The following MTMR9 variants were observed in gnomAD, a reference collection of about 807,000 sequenced individuals.
MTMR9 encodes the protein myotubularin related protein 9.
MTMR9 carries 39 observed loss-of-function variants against 69.5 expected under a neutral mutation model. The observed-to-expected ratio is 0.56, with a 90% CI of 0.43 to 0.73. MTMR9 has a LOEUF of 0.73. Among genes scored for constraint, MTMR9 ranks in the 30% least tolerant of loss-of-function variants. The pLI, the probability that MTMR9 is intolerant of heterozygous loss-of-function variation, is 0.00. For missense variants in MTMR9, 900 were observed against 671.2 expected, an observed-to-expected ratio of 1.34 and a Z score of -3.77; for synonymous variants, 354 against 240.8, an observed-to-expected ratio of 1.47 and a Z score of -4.35.
chr8:11,314,469 A>G (rs1232938952), intron 6 of MTMR9, among the ~76,000 whole-genome samples: 1 of 152,168 alleles, frequency 6.6e-6, no homozygotes, highest in African/African-American at 2.4e-5. Flanking sequence ...GTGTCCTTAT[A>G]GTCAGCTGAT....
chr8:11,298,980 C>T (rs1453486817), intron 2 of MTMR9: 1 of 619,952 alleles, frequency 1.6e-6, no homozygotes, highest in Non-Finnish European at 2.0e-6. Context: ...ATATACCAGT[C>T]TAGGAAGAGA....
chr8:11,288,592 C>A (rs1799275232), intron 1 of MTMR9, among the ~76,000 whole-genome samples: 1 of 151,972 alleles, frequency 6.6e-6, no homozygotes, highest in Non-Finnish European at 1.5e-5. Flanking sequence ...ACATGCTTGG[C>A]ATGTGCAGAG....
chr8:11,290,109 C>G (rs753560048), intron 1 of MTMR9, among the ~76,000 whole-genome samples: 2 of 152,218 alleles, frequency 1.3e-5, no homozygotes, highest in Non-Finnish European at 2.9e-5. Flanking sequence ...TCTCCACTTT[C>G]TTACCAACAT....
chr8:11,331,425 T>C (rs374917829), downstream of MTMR9: 134 of 1,613,868 alleles, frequency 8.3e-5, no homozygotes, highest in Middle Eastern at 1.6e-4. Context: ...GGCCTGCTTC[T>C]GTGCCCTGCT....
At chr8:11,287,270 C>T (rs997951683) in intron 1 of MTMR9, among the ~76,000 whole-genome samples, 4 of 152,132 alleles carry the variant, frequency 2.6e-5, no homozygotes, top group African/African-American at 9.7e-5. Context: ...TTCTCCATGA[C>T]CATCAACTAC....
intron 5 of MTMR9, among the ~76,000 whole-genome samples, chr8:11,308,557 A>G (rs980377098): frequency 2.0e-5 from 3 of 152,102 alleles, no homozygotes; most frequent in Middle Eastern, 3.4e-3. Flanking sequence ...TTCTTTCTTC[A>G]TGACTCAGTC....
intron 1 of MTMR9, chr8:11,285,278 G>T: frequency 1.9e-6 from 1 of 526,096 alleles, no homozygotes; most frequent in Non-Finnish European, 3.3e-6. Flanking sequence ...AGTTCTCAGG[G>T]TTATCGTGTG....
chr8:11,299,827 CT>C (rs3840697), intron 2 of MTMR9, among the ~76,000 whole-genome samples, 195 bp from the exon 3 acceptor site: 89,084 of 151,906 alleles, frequency 0.59, 26,566 homozygotes, highest in East Asian at 0.88. Context: ...TGGCAGATGC[CT>C]TTGTTAGATA....
chr8:11,324,991 A>G lies in MTMR9; in HGVS notation c.*2203A>G, dbSNP rs1337675900. 2.0e-5 allele frequency: 3 copies of G among 152,382 alleles called. No individual in the cohort carries two copies. The highest frequency in any genetic ancestry group is 6.5e-5 in the Admixed American group (1 of 15,304). The allele number at this position is 152,382 out of a possible 1,614,324, so 9.4% of individuals were successfully genotyped here. ...GATGATGTACCATCAAGGTAGACCC[A>G]TCTTCCTGATGCACATTTGCTGTGC... On this transcript the variant is annotated 3_prime_UTR_variant, in exon 10 of 10. Coordinates refer to ENST00000221086, the MANE Select transcript of MTMR9 (RefSeq NM_015458.4).
At chr8:11,307,823 A>G (rs1477460530) in intron 5 of MTMR9, among the ~76,000 whole-genome samples, 1 of 151,846 alleles carries the variant, frequency 6.6e-6, no homozygotes, top group Non-Finnish European at 1.5e-5. Context: ...TTTTTTTTCA[A>G]ATACCTATTG....
intron 6 of MTMR9, among the ~76,000 whole-genome samples, chr8:11,314,515 T>A (rs1312288610): frequency 6.6e-6 from 1 of 152,192 alleles, no homozygotes; most frequent in Non-Finnish European, 1.5e-5. Flanking sequence ...AAAAATAATT[T>A]TAGTGTATGT....
chr8:11,333,140 A>G (rs1433395122), downstream of MTMR9, among the ~76,000 whole-genome samples: 1 of 152,230 alleles, frequency 6.6e-6, no homozygotes, highest in East Asian at 1.9e-4. Flanking sequence ...ACATAAGTGT[A>G]CAAATCCAAG....
intron 3 of MTMR9, among the ~76,000 whole-genome samples, chr8:11,301,447 C>A (rs568404225): frequency 1.3e-5 from 2 of 152,280 alleles, no homozygotes; most frequent in South Asian, 4.2e-4. Flanking sequence ...AGTTGGATAT[C>A]CATATGTAAA....
intron 3 of MTMR9, 47 bp downstream of exon 3, chr8:11,300,195 C>T: frequency 6.3e-7 from 1 of 1,594,932 alleles, no homozygotes; most frequent in Non-Finnish European, 8.6e-7. Context: ...TAACCCAATA[C>T]CTTATTTGAC....
intron 1 of MTMR9, among the ~76,000 whole-genome samples, chr8:11,290,896 T>C (rs905752520): frequency 6.6e-6 from 1 of 150,696 alleles, no homozygotes; most frequent in African/African-American, 2.4e-5. Flanking sequence ...TTGACAACTA[T>C]GTTTCGACCT....
downstream of MTMR9, chr8:11,332,159 G>C (rs770631072): frequency 6.2e-7 from 1 of 1,609,434 alleles, no homozygotes; most frequent in South Asian, 1.1e-5. Flanking sequence ...GGGAGGGACA[G>C]GGATAAATAA....
downstream of MTMR9, among the ~76,000 whole-genome samples, chr8:11,330,459 G>T (rs1017907926): frequency 1.3e-5 from 2 of 152,158 alleles, no homozygotes; most frequent in Admixed American, 1.3e-4. Context: ...TGACGATGGC[G>T]GTTTTGTGGA....
chr8:11,337,151 C>T, the MTMR9 span, among the ~76,000 whole-genome samples: 3 of 152,154 alleles, frequency 2.0e-5, no homozygotes, highest in African/African-American at 7.2e-5. Flanking sequence ...CGCTGAGTAG[C>T]AATGCAGCTT....
downstream of MTMR9, among the ~76,000 whole-genome samples, chr8:11,328,344 C>T (rs1440664076): frequency 8.8e-5 from 8 of 90,998 alleles, no homozygotes; most frequent in East Asian, 6.2e-4. Context: ...TTTAATACCA[C>T]GTGTGTGTGT....
Sources: allele counts gnomAD v4.1 joint callset (sites outside exome capture counted in the v4.1 genomes callset), GRCh38; gene constraint gnomAD v4.1.1; transcripts MANE v1.5; gene names NCBI Gene and HGNC (gene_info 2026-07-23, HGNC 2026-07-21).